The following SLCO6A1 variants were observed in gnomAD, a reference collection of about 807,000 sequenced individuals.
SLCO6A1 encodes the protein cancer/testis antigen 48.
In SLCO6A1, 65 loss-of-function variants were observed where a neutral mutation model predicts 72.7. That is an observed-to-expected ratio of 0.89 (90% CI 0.73 to 1.10). The LOEUF (loss-of-function observed/expected upper bound fraction) is 1.10. Ranked by LOEUF, SLCO6A1 falls within the 50% of genes least tolerant of loss-of-function variation. The pLI, the probability that SLCO6A1 is intolerant of heterozygous loss-of-function variation, is 0.00. For missense variants in SLCO6A1, 874 were observed against 872.6 expected (o/e 1.00, Z -0.02); for synonymous variants, 314 against 298.2 (o/e 1.05, Z -0.55).
rs573392397 is a variant in SLCO6A1 at position 102,456,775 on chromosome 5, A to G, written c.1131+1607T>C. Among the ~76,000 whole-genome samples, 427 of 152,300 alleles carry G rather than the reference A, an allele frequency of 2.8e-3. 2 individuals carry two copies. The highest frequency in any genetic ancestry group is 9.7e-3 in the African/African-American group (404 of 41,562). On this transcript the variant is annotated intron_variant, in intron 6 of 13. Transcript: ENST00000506729. ...TACTTTAAAGTTCATATGGAACCAA[A>G]AAAGAGCCCTCATTGCCAAGACAAT... is the stretch of plus-strand genomic sequence containing the variant.
chr5:102,496,193 C>T lies in SLCO6A1; in HGVS notation c.358+2294G>A, dbSNP rs191180084. ...GGTGCACCATGTCTGAAAAACTGGG[C>T]ATGTATAGGGAAAGAGAAGGCGAAG... On this transcript the variant is annotated intron_variant, in intron 1 of 13. Coordinates refer to ENST00000506729, the MANE Select transcript of SLCO6A1 (RefSeq NM_173488.5). Among the ~76,000 whole-genome samples the T allele has an allele frequency of 2.7e-3, 406 of 152,152 alleles. 1 individual carries two copies. Among genetic ancestry groups the T allele is most frequent in the African/African-American group, 9.4e-3 (392 of 41,496 alleles).
chr5:102,386,283 T>C (rs1580331378), intron 12 of SLCO6A1, among the ~76,000 whole-genome samples: 1 of 152,056 alleles, frequency 6.6e-6, no homozygotes, highest in Admixed American at 6.5e-5. Context: ...ACTGAGCCCA[T>C]GAGAGTAGGC....
At chr5:102,444,925 G>A (rs1750027180) in intron 6 of SLCO6A1, among the ~76,000 whole-genome samples, 1 of 152,114 alleles carries the variant, frequency 6.6e-6, no homozygotes, top group African/African-American at 2.4e-5. Flanking sequence ...TAGCAGCATA[G>A]TATTCCATGG....
chr5:102,417,401 T>C (rs1486707240), intron 8 of SLCO6A1, among the ~76,000 whole-genome samples: 1 of 152,032 alleles, frequency 6.6e-6, no homozygotes, highest in Non-Finnish European at 1.5e-5. Flanking sequence ...TTGTCCTATC[T>C]CTTTTTGTTC....
chr5:102,372,975 A>C (rs1750704468), intron 13 of SLCO6A1, among the ~76,000 whole-genome samples: 1 of 151,914 alleles, frequency 6.6e-6, no homozygotes, highest in Non-Finnish European at 1.5e-5. Flanking sequence ...AGAAATAAAT[A>C]TCTACTGCCC....
At chr5:102,386,889 T>C (rs1028639052) in intron 12 of SLCO6A1, among the ~76,000 whole-genome samples, 7 of 152,184 alleles carry the variant, frequency 4.6e-5, no homozygotes, top group African/African-American at 1.4e-4. Flanking sequence ...AGTTCATTCC[T>C]TCACATGGAG....
chr5:102,405,801 A>G (rs540619496), intron 9 of SLCO6A1, among the ~76,000 whole-genome samples: 9 of 152,188 alleles, frequency 5.9e-5, no homozygotes, highest in African/African-American at 2.2e-4. Context: ...TTTTAAGTAC[A>G]ATTTTTTTAA....
At chr5:102,389,905 G>A (rs1454355827) in intron 11 of SLCO6A1, among the ~76,000 whole-genome samples, 1 of 151,588 alleles carries the variant, frequency 6.6e-6, no homozygotes, top group Non-Finnish European at 1.5e-5. Context: ...TTTAAAAACT[G>A]TTATTATTAT....
rs544483100 is a variant in SLCO6A1 at position 102,460,891 on chromosome 5, A to G, written c.900-1114T>C. On this transcript the variant is annotated intron_variant, in intron 4 of 13. Coordinates refer to ENST00000506729, the MANE Select transcript of SLCO6A1 (RefSeq NM_173488.5). ...GTTGCAGTCTTGATTGTCATTACCC[A>G]CTTATCTCATATATATATATATATA... Among the ~76,000 whole-genome samples, 15 of 143,102 alleles carry G rather than the reference A, an allele frequency of 1.0e-4. No homozygotes were observed. The South Asian group carries it at 3.2e-3, about 31-fold the overall frequency. 93.9% of individuals were successfully genotyped at this position (143,102 alleles called of 152,430 possible).
intron 1 of SLCO6A1, among the ~76,000 whole-genome samples, chr5:102,483,674 A>G (rs74465707): frequency 0.017 from 2,617 of 152,296 alleles, 34 homozygotes; most frequent in African/African-American, 0.033. Flanking sequence ...GGGAATTAGC[A>G]TTCCTTTAAC....
chr5:102,372,898 A>T (rs1750700754), intron 13 of SLCO6A1, among the ~76,000 whole-genome samples: 1 of 151,918 alleles, frequency 6.6e-6, no homozygotes, highest in Non-Finnish European at 1.5e-5. Context: ...GAAAATAAAT[A>T]TAACTTTAAT....
chr5:102,431,953 T>C (rs1749243228), intron 7 of SLCO6A1, among the ~76,000 whole-genome samples: 1 of 152,214 alleles, frequency 6.6e-6, no homozygotes, highest in Non-Finnish European at 1.5e-5. Context: ...TAGTTAGGTC[T>C]TCTTGTTGAA....
At chr5:102,404,502 T>A (rs1316224732) in intron 9 of SLCO6A1, among the ~76,000 whole-genome samples, 2 of 151,858 alleles carry the variant, frequency 1.3e-5, no homozygotes, top group African/African-American at 4.8e-5. Flanking sequence ...AGAGACTCTG[T>A]CTCAAAAAAA....
intron 10 of SLCO6A1, among the ~76,000 whole-genome samples, chr5:102,392,783 A>G (rs963192638): frequency 1.3e-4 from 19 of 151,728 alleles, no homozygotes; most frequent in Non-Finnish European, 2.1e-4. Flanking sequence ...ACTTGTCAAT[A>G]CTCTCCCAAC....
chr5:102,480,385 T>C lies in SLCO6A1; in HGVS notation c.408A>G (p.Glu136=). 2.5e-6 allele frequency: 4 copies of C among 1,613,472 alleles called. No individual in the cohort carries two copies. Among genetic ancestry groups the C allele is most frequent in the Non-Finnish European group, 2.5e-6 (3 of 1,179,650 alleles). Residue 136 remains glutamate, a synonymous_variant, in exon 2 of 14, where the codon GAA becomes GAG. Coordinates refer to ENST00000506729, the MANE Select transcript of SLCO6A1 (RefSeq NM_173488.5). ...ACTTCTCAATGGTTTTCAGTTGATA[T>C]TCCTTCTGAAAATCGCCAATGCTGA... ...IDVSIGDFQK[E]YQLKTIEKLA...
chr5:102,474,584 G>C (rs1422281045), intron 4 of SLCO6A1, among the ~76,000 whole-genome samples: 1 of 151,876 alleles, frequency 6.6e-6, no homozygotes, highest in African/African-American at 2.4e-5. Flanking sequence ...GCACTACATA[G>C]AACTTAAAAA....
chr5:102,422,618 G>T (rs1580396591), intron 7 of SLCO6A1, among the ~76,000 whole-genome samples: 1 of 152,256 alleles, frequency 6.6e-6, no homozygotes, highest in African/African-American at 2.4e-5. Flanking sequence ...AGATATATGG[G>T]ACTCTATGAA....
chr5:102,436,883 C>A (rs1749565618), intron 7 of SLCO6A1, among the ~76,000 whole-genome samples: 2 of 152,144 alleles, frequency 1.3e-5, no homozygotes, highest in African/African-American at 4.8e-5. Context: ...AAACCAGCCT[C>A]ATAACTATTT....
intron 9 of SLCO6A1, among the ~76,000 whole-genome samples, chr5:102,404,519 A>C (rs1747569714): frequency 6.6e-6 from 1 of 152,234 alleles, no homozygotes; most frequent in African/African-American, 2.4e-5. Flanking sequence ...AAAACAAAAA[A>C]CAAAAAAAGA....
Sources: gnomAD v4.1 joint callset for allele counts (sites outside exome capture counted in the v4.1 genomes callset) on GRCh38, gnomAD v4.1.1 for gene constraint, MANE v1.5 for transcripts, NCBI Gene and HGNC (gene_info 2026-07-23, HGNC 2026-07-21) for gene names.